PITPNM3: variants seen among roughly 807,000 people sequenced by gnomAD.
PITPNM3 encodes the protein PITPNM family member 3.
In PITPNM3, 26 loss-of-function variants were observed where a neutral mutation model predicts 102.0. The observed-to-expected ratio is 0.25, with a 90% CI of 0.19 to 0.35. The LOEUF is 0.35. Ranked by LOEUF, PITPNM3 falls within the 10% of genes least tolerant of loss-of-function variation. The pLI is 1.00. For synonymous variants in PITPNM3, 578 were observed against 558.6 expected, an observed-to-expected ratio of 1.03 and a Z score of -0.49; for missense variants, 1,083 against 1,346.1, an observed-to-expected ratio of 0.80 and a Z score of 3.06.
chr17:6,470,528 C>G lies in PITPNM3; in HGVS notation c.1625-120G>C. 3.0e-6 allele frequency: 4 copies of G among 1,355,332 alleles called. No individual in the cohort carries two copies. Among genetic ancestry groups the G allele is most frequent in the Non-Finnish European group, 4.2e-6 (4 of 961,084 alleles). 84.0% of individuals were successfully genotyped at this position (1,355,332 alleles called of 1,614,324 possible). On this transcript the variant is annotated intron_variant, in intron 12 of 19. Transcript: ENST00000262483. The surrounding 1 kb of genome is among the most constrained non-coding windows in gnomAD (Gnocchi z 4.8). Reference sequence around the variant, plus strand: ...GCCCCACGTGGGGCACGGGTTTGGGCGGGAGCACCCTGGCCTGGAGGAGGC... The same window carrying G: ...GCCCCACGTGGGGCACGGGTTTGGGGGGGAGCACCCTGGCCTGGAGGAGGC...
At chr17:6,515,704 A>G (rs778394393) in intron 3 of PITPNM3, among the ~76,000 whole-genome samples, 19 of 135,704 alleles carry the variant, frequency 1.4e-4, no homozygotes, top group Non-Finnish European at 2.5e-4. Flanking sequence ...TTAAGTGTGT[A>G]GTTATTCCCA....
rs533394796 is a variant in PITPNM3 at position 6,478,160 on chromosome 17, G to T, written c.778-63C>A. ...TGCTGACCCCTCACCCCCACACCCG[G>T]CCAGAGCAGTGCTGCCTCCCCACAG... On this transcript the variant is annotated intron_variant, in intron 7 of 19. Transcript: ENST00000262483. The surrounding 1 kb of genome is among the most constrained non-coding windows in gnomAD (Gnocchi z 4.4). 3.8e-4 allele frequency: 603 copies of T among 1,605,652 alleles called. 6 individuals carry two copies. The South Asian group carries it at 5.9e-3, about 16-fold the overall frequency.
Position 6,459,048 on chromosome 17 carries a change from G to A in PITPNM3, c.2491-1326C>T, listed in dbSNP as rs1378364731. ...TTCCCAACTGGCCTTTGGCTCAGAG[G>A]ATGGAGCAGCCCCTCTTCGTCTGGC... On this transcript the variant is annotated intron_variant, in intron 18 of 19. Coordinates refer to ENST00000262483, the MANE Select transcript of PITPNM3 (RefSeq NM_031220.4). This position sits in a 1 kb window ranked among gnomAD's most constrained non-coding sequence, Gnocchi z 5.0. Among the ~76,000 whole-genome samples, 1 of 152,144 alleles carries A rather than the reference G, an allele frequency of 6.6e-6. No individual in the cohort carries two copies. Among genetic ancestry groups the A allele is most frequent in the Non-Finnish European group, 1.5e-5 (1 of 68,034 alleles).
chr17:6,522,286 GCACA>G (rs35785551), intron 3 of PITPNM3, among the ~76,000 whole-genome samples: 7,544 of 148,916 alleles, frequency 0.051, 267 homozygotes, highest in South Asian at 0.15. Flanking sequence ...TTTAGTGTGC[GCACA>G]CACACACACA....
At chr17:6,464,587 C>T in intron 15 of PITPNM3, 68 bp downstream of exon 15, 1 of 1,470,858 alleles carries the variant, frequency 6.8e-7, no homozygotes, top group Non-Finnish European at 9.4e-7. Flanking sequence ...ACCCCACACG[C>T]TATGTGGCTC....
chr17:6,531,866 G>A lies in PITPNM3; in HGVS notation c.118+6121C>T, dbSNP rs138328477. Among the ~76,000 whole-genome samples the A allele has an allele frequency of 2.6e-5, 4 of 152,302 alleles. No individual in the cohort carries two copies. The East Asian group carries it at 7.7e-4, about 29-fold the overall frequency. On this transcript the variant is annotated intron_variant, in intron 2 of 19. Coordinates refer to ENST00000262483, the MANE Select transcript of PITPNM3 (RefSeq NM_031220.4). Reference sequence around the variant, plus strand: ...GCCTGTCATCCCAGCACTCTGGAAGGCTGAGGCGGACGGATCACCTGGGGT... The same window carrying A: ...GCCTGTCATCCCAGCACTCTGGAAGACTGAGGCGGACGGATCACCTGGGGT...
intron 2 of PITPNM3, among the ~76,000 whole-genome samples, chr17:6,528,212 T>G (rs1234799104): frequency 1.3e-5 from 2 of 152,122 alleles, no homozygotes; most frequent in African/African-American, 4.8e-5. Context: ...CATCCGTATC[T>G]CTCTCTGGGT....
chr17:6,495,952 C>A (rs2150597972), intron 4 of PITPNM3, among the ~76,000 whole-genome samples: 1 of 152,292 alleles, frequency 6.6e-6, no homozygotes, highest in Middle Eastern at 3.4e-3. Flanking sequence ...GAGGCCGAGG[C>A]CCCCTAGCTA....
At chr17:6,506,792 C>T (rs1375551011) in intron 3 of PITPNM3, among the ~76,000 whole-genome samples, 1 of 152,206 alleles carries the variant, frequency 6.6e-6, no homozygotes, top group Non-Finnish European at 1.5e-5. Flanking sequence ...GCTCCACCAG[C>T]ACCCAGGATC....
chr17:6,457,018 C>A lies in PITPNM3; in HGVS notation c.2619+576G>T, dbSNP rs531442617. On this transcript the variant is annotated intron_variant, in intron 19 of 19. Transcript: ENST00000262483. This position sits in a 1 kb window ranked among gnomAD's most constrained non-coding sequence, Gnocchi z 4.7. ...GAATCACACACCTGCTCATCCCACA[C>A]CCTCTCAGAGTCCCCACACAGGCCA... 3.3e-5 allele frequency among the ~76,000 whole-genome samples: 5 copies of A among 152,308 alleles called. No homozygotes were observed. Among genetic ancestry groups the A allele is most frequent in the South Asian group, 4.2e-4 (2 of 4,818 alleles).
Position 6,556,301 on chromosome 17 carries a change from T to C in PITPNM3, c.22+84A>G. The C allele has an allele frequency of 2.5e-6, 3 of 1,219,704 alleles. No homozygotes were observed. Among genetic ancestry groups the C allele is most frequent in the South Asian group, 3.3e-5 (2 of 61,484 alleles). 75.6% of individuals were successfully genotyped at this position (1,219,704 alleles called of 1,614,324 possible). A position where few individuals can be genotyped will look rare whatever the true frequency, so the allele number is the denominator to read the frequency against. On this transcript the variant is annotated intron_variant, in intron 1 of 19. Coordinates refer to ENST00000262483, the MANE Select transcript of PITPNM3 (RefSeq NM_031220.4). The surrounding 1 kb of genome is among the most constrained non-coding windows in gnomAD (Gnocchi z 5.2). ...GACCTCCGCCCACCTGCGCGAGGGG[T>C]TCACCTGGGCCGGCGGCCCCTCCTC...
At chr17:6,479,351 C>G (rs1247530718) in intron 6 of PITPNM3, 2 of 153,624 alleles carry the variant, frequency 1.3e-5, no homozygotes, top group Non-Finnish European at 2.9e-5. Flanking sequence ...CCCACAGTGT[C>G]CAGCCAGCAG....
In PITPNM3 at chr17:6,455,187, G is replaced by A; in HGVS notation, c.*151C>T. ...CAGGGAGCCCCCCGGGCTCGGGCAG[G>A]ATCCCTCCCCGCTCTGGTCGGACAC... On this transcript the variant is annotated 3_prime_UTR_variant, in exon 20 of 20. Coordinates refer to ENST00000262483, the MANE Select transcript of PITPNM3 (RefSeq NM_031220.4). 9.4e-7 allele frequency: 1 copy of A among 1,066,068 alleles called. No individual in the cohort carries two copies. 66.0% of individuals were successfully genotyped at this position (1,066,068 alleles called of 1,614,324 possible).
Position 6,464,160 on chromosome 17 carries a change from T to C in PITPNM3, c.2156+10A>G. Reference sequence around the variant, plus strand: ...GAGAAACCACCCTGAGAATGGCCCCTGGGTCTTACCTGACGACCATCTTCA... The same window carrying C: ...GAGAAACCACCCTGAGAATGGCCCCCGGGTCTTACCTGACGACCATCTTCA... On this transcript the variant is annotated intron_variant, in intron 16 of 19. Coordinates refer to ENST00000262483, the MANE Select transcript of PITPNM3 (RefSeq NM_031220.4). 1.2e-6 allele frequency: 2 copies of C among 1,614,188 alleles called. No individual in the cohort carries two copies. The highest frequency in any genetic ancestry group is 2.2e-5 in the East Asian group (1 of 44,880).
At chr17:6,482,380 C>T (rs977181427) in intron 6 of PITPNM3, among the ~76,000 whole-genome samples, 1 of 152,288 alleles carries the variant, frequency 6.6e-6, no homozygotes, top group East Asian at 1.9e-4. Flanking sequence ...GAGCTGAACG[C>T]GTGGAGGTTC....
At position 6,556,378 on chromosome 17, in the gene PITPNM3, C is replaced by T; in HGVS notation, c.22+7G>A. ...CCCGGCCCTGCCCTCCCCGCGCCCG[C>T]CCTCACCTGCACGGCCCGCCTTGGC... On this transcript the variant is annotated splice_region_variant and intron_variant, in intron 1 of 19. Transcript: ENST00000262483. The surrounding 1 kb of genome is among the most constrained non-coding windows in gnomAD (Gnocchi z 5.2). 7.2e-7 allele frequency: 1 copy of T among 1,398,152 alleles called. No individual in the cohort carries two copies. Among genetic ancestry groups the T allele is most frequent in the Non-Finnish European group, 9.3e-7 (1 of 1,073,828 alleles). 86.6% of individuals were successfully genotyped at this position (1,398,152 alleles called of 1,614,324 possible).
Position 6,471,239 on chromosome 17 carries a change from G to C in PITPNM3, c.1546C>G (p.Arg516Gly). ...TGGGAGCTCCCCTCGCTCATCCTCC[G>C]TCCTGGGCGCTGGAACCTCGAGGCC... ...PQASRFQRPG[R>G]RMSEGSSHSE... Residue 516 changes from arginine (R) to glycine (G), a missense_variant, in exon 12 of 20, where the codon CGG (arginine) becomes GGG (glycine). Arg to Gly is a moderately radical substitution (Grantham distance 125, BLOSUM62 -2). Coordinates refer to ENST00000262483, the MANE Select transcript of PITPNM3 (RefSeq NM_031220.4). 2 of 1,613,428 alleles carry C rather than the reference G, an allele frequency of 1.2e-6. No homozygotes were observed. Among genetic ancestry groups the C allele is most frequent in the Non-Finnish European group, 1.7e-6 (2 of 1,179,978 alleles).
chr17:6,508,857 A>C (rs2150617915), intron 3 of PITPNM3, among the ~76,000 whole-genome samples: 1 of 152,204 alleles, frequency 6.6e-6, no homozygotes, highest in South Asian at 2.1e-4. Context: ...TCTTCCCTGG[A>C]AACCGCCAGC....
intron 9 of PITPNM3, 78 bp from the exon 10 acceptor site, chr17:6,474,682 G>A: frequency 2.7e-6 from 4 of 1,471,428 alleles, no homozygotes; most frequent in Non-Finnish European, 3.7e-6. Context: ...CAGCAGCGCA[G>A]CCTGAATTCT....
Sources: gnomAD v4.1 joint callset for allele counts (sites outside exome capture counted in the v4.1 genomes callset) on GRCh38, gnomAD v4.1.1 for gene constraint, Gnocchi (gnomAD v3.1) non-coding constraint, MANE v1.5 for transcripts, NCBI Gene and HGNC (gene_info 2026-07-23, HGNC 2026-07-21) for gene names.